RYR3: variants seen among roughly 807,000 people sequenced by gnomAD.
RYR3 encodes brain ryanodine receptor-calcium release channel.
In RYR3, 207 loss-of-function variants were observed where a neutral mutation model predicts 584.3. The ratio of observed to expected loss-of-function variants is 0.35; its 90% CI spans 0.32 to 0.40. The LOEUF is 0.40. Ranked by LOEUF, RYR3 falls within the 10% of genes least tolerant of loss-of-function variation. RYR3 has a pLI of 1.00. For synonymous variants in RYR3, 2,416 were observed against 2,248.5 expected (o/e 1.07, Z -2.11); for missense variants, 5,616 against 6,089.2 (o/e 0.92, Z 2.59).
intron 1 of RYR3, among the ~76,000 whole-genome samples, chr15:33,472,649 C>CA (rs1364181656): frequency 1.3e-5 from 2 of 152,176 alleles, no homozygotes; most frequent in Non-Finnish European, 2.9e-5. Flanking sequence ...CTCTCCACCT[C>CA]AGGGAGGGTT....
chr15:33,738,933 C>G (rs1191212409), intron 50 of RYR3, among the ~76,000 whole-genome samples: 1 of 152,192 alleles, frequency 6.6e-6, no homozygotes, highest in Non-Finnish European at 1.5e-5. Flanking sequence ...TGGCTCCTGT[C>G]TGCCAACCTT....
chr15:33,369,152 A>G (rs1785327009), intron 1 of RYR3, among the ~76,000 whole-genome samples: 1 of 118,370 alleles, frequency 8.4e-6, no homozygotes. Flanking sequence ...AAACTGAATC[A>G]CCAAAAAGTG....
At chr15:33,405,223 T>C (rs1435002911) in intron 1 of RYR3, among the ~76,000 whole-genome samples, 1 of 152,242 alleles carries the variant, frequency 6.6e-6, no homozygotes, top group Non-Finnish European at 1.5e-5. Flanking sequence ...CCAGCAACCA[T>C]GAGTGGTTTT....
intron 38 of RYR3, among the ~76,000 whole-genome samples, chr15:33,672,463 A>C (rs1026972485): frequency 6.6e-6 from 1 of 152,184 alleles, no homozygotes; most frequent in Non-Finnish European, 1.5e-5. Flanking sequence ...TAAGTACTCT[A>C]TCTTGGGATC....
chr15:33,700,756 T>G (rs1336584279), intron 41 of RYR3, among the ~76,000 whole-genome samples: 1 of 152,120 alleles, frequency 6.6e-6, no homozygotes, highest in Non-Finnish European at 1.5e-5. Context: ...GTGAACCGAT[T>G]TTGTATTAAT....
chr15:33,854,329 A>T, intron 96 of RYR3, 60 bp from the exon 97 acceptor site: 1 of 1,402,938 alleles, frequency 7.1e-7, no homozygotes, highest in South Asian at 1.3e-5. Context: ...TTTCCCCCTT[A>T]TTGAGCACTT....
At chr15:33,801,800 C>A in intron 68 of RYR3, 69 bp from the exon 69 acceptor site, 1 of 807,072 alleles carries the variant, frequency 1.2e-6, no homozygotes, top group Non-Finnish European at 2.0e-6. Context: ...ACTTGGGGAG[C>A]TTAGAATCTT....
intron 38 of RYR3, among the ~76,000 whole-genome samples, chr15:33,671,142 G>A (rs978546793): frequency 2.6e-5 from 4 of 152,010 alleles, no homozygotes; most frequent in East Asian, 1.9e-4. Context: ...GACTCCTACC[G>A]TTTTGACCCA....
chr15:33,511,104 A>G (rs1359225606), intron 3 of RYR3, among the ~76,000 whole-genome samples: 3 of 152,076 alleles, frequency 2.0e-5, no homozygotes, highest in South Asian at 4.2e-4. Context: ...TGATGTAGGT[A>G]TTGACCATTT....
intron 38 of RYR3, among the ~76,000 whole-genome samples, chr15:33,683,600 A>G (rs1474194208): frequency 6.6e-6 from 1 of 152,164 alleles, no homozygotes; most frequent in Non-Finnish European, 1.5e-5. Context: ...GCATTTCCAG[A>G]TGAGGTACCT....
At position 33,773,592 on chromosome 15, in the gene RYR3, G is replaced by A. The variant is rs753992365; in HGVS notation, c.9114G>A (p.Thr3038=). ...TGTGCAGCCTCTACTCCCTTGGGAC[G>A]GGAAAGAACATTTATGTTGAAAGGT... is the stretch of plus-strand genomic sequence containing the variant. ...HILCSLYSLG[T]GKNIYVERQR... is the part of the protein sequence containing the mutation. Residue 3038 remains threonine (T), a synonymous_variant, in exon 64 of 104, where the codon ACG becomes ACA. Transcript: ENST00000634891. 1.8e-5 allele frequency: 29 copies of A among 1,607,030 alleles called. No individual in the cohort carries two copies. Among genetic ancestry groups the A allele is most frequent in the South Asian group, 6.7e-5 (6 of 89,326 alleles).
At chr15:33,704,486 T>G (rs1486344691) in intron 42 of RYR3, among the ~76,000 whole-genome samples, 2 of 152,196 alleles carry the variant, frequency 1.3e-5, no homozygotes, top group African/African-American at 4.8e-5. Context: ...CACACAAGAC[T>G]CAAGCACCAT....
chr15:33,552,628 T>G (rs775903400), intron 10 of RYR3, among the ~76,000 whole-genome samples: 3 of 152,212 alleles, frequency 2.0e-5, no homozygotes, highest in Non-Finnish European at 4.4e-5. Context: ...TTAAAATGGC[T>G]TAGGCTCTAT....
chr15:33,579,498 G>C (rs1165536593), intron 12 of RYR3, among the ~76,000 whole-genome samples: 1 of 151,946 alleles, frequency 6.6e-6, no homozygotes, highest in Non-Finnish European at 1.5e-5. Flanking sequence ...GGGTTAAGAA[G>C]TTTATTTTTT....
At chr15:33,734,301 C>T (rs4780170) in intron 48 of RYR3, among the ~76,000 whole-genome samples, 42,965 of 152,078 alleles carry the variant, frequency 0.28, 7,230 homozygotes, top group African/African-American at 0.47. Context: ...TTTCAGTGGA[C>T]ACACCAATTA....
chr15:33,641,192 A>G (rs1031311620), intron 27 of RYR3, among the ~76,000 whole-genome samples: 4 of 152,230 alleles, frequency 2.6e-5, no homozygotes, highest in African/African-American at 9.6e-5. Context: ...CGACAATTAG[A>G]AAGCAGGCAT....
rs942287498 is a variant in RYR3 at position 33,670,533 on chromosome 15, C to T, written c.5837C>T (p.Thr1946Met). ...CCCAAGCCAGAGAAGGAGCAGCCGA[C>T]GGAGGAGGAGGAGAGATGCCCCAGT... The part of the protein sequence containing the change: ...GPPKPEKEQP[T>M]EEEERCPTTL... The change falls in exon 38 of 104, where the codon ACG (threonine) becomes ATG (methionine). Residue 1946 changes from threonine (T) to methionine (M), a missense_variant. Thr to Met is a moderately conservative substitution (Grantham distance 81). Around this residue, in one of 9 missense-constraint regions of RYR3, gnomAD observed 1,280 missense variants for 1,426.2 expected, o/e 0.90. Coordinates refer to ENST00000634891, the MANE Select transcript of RYR3 (RefSeq NM_001036.6). 8.2e-6 allele frequency: 13 copies of T among 1,593,358 alleles called. No individual in the cohort carries two copies. Among genetic ancestry groups the T allele is most frequent in the Middle Eastern group, 1.7e-4 (1 of 5,918 alleles).
chr15:33,713,442 G>T (rs781629028), intron 43 of RYR3, among the ~76,000 whole-genome samples: 5 of 152,004 alleles, frequency 3.3e-5, no homozygotes, highest in Admixed American at 6.6e-5. Context: ...GGGATATGAT[G>T]GTTGGGTGGT....
At position 33,662,912 on chromosome 15, in the gene RYR3, G is replaced by A. The variant is rs757457124; in HGVS notation, c.5382G>A (p.Leu1794=). 3 of 1,613,240 alleles carry A rather than the reference G, an allele frequency of 1.9e-6. No homozygotes were observed. The highest frequency in any genetic ancestry group is 2.2e-5 in the East Asian group (1 of 44,880). The change falls in exon 35 of 104, where the codon TTG becomes TTA. Residue 1794 remains leucine (L), a synonymous_variant. Transcript: ENST00000634891. ...GCAAGGAGGCTCCTGTCAAAGGCTT[G>A]TTGCAGACTCGATTACCCGAATCCG... The part of the protein sequence containing the change: ...KAGKEAPVKG[L]LQTRLPESVK...
Sources: allele counts gnomAD v4.1 joint callset (sites outside exome capture counted in the v4.1 genomes callset), GRCh38; gene constraint gnomAD v4.1.1; regional missense constraint gnomAD v4.1.1; transcripts MANE v1.5; gene names NCBI Gene and HGNC (gene_info 2026-07-23, HGNC 2026-07-21).